BPTF: variants seen among roughly 807,000 people sequenced by gnomAD.
BPTF encodes the protein bromodomain PHD finger transcription factor, also known as nucleosome-remodeling factor subunit BPTF.
In BPTF, 18 loss-of-function variants were observed where a neutral mutation model predicts 292.5. The observed-to-expected ratio is 0.06, with a 90% CI of 0.04 to 0.09. The LOEUF (loss-of-function observed/expected upper bound fraction) is 0.09, where lower values mean the gene tolerates loss of function less well. BPTF is among the 10% of genes least tolerant of loss of function. The pLI, the probability that BPTF is intolerant of heterozygous loss-of-function variation, is 1.00. For synonymous variants in BPTF, 1,225 were observed against 1,251.9 expected (o/e 0.98, Z 0.45); for missense variants, 2,726 against 3,498.7 (o/e 0.78, Z 5.57).
intron 11 of BPTF, among the ~76,000 whole-genome samples, chr17:67,915,221 C>A (rs1253958438): frequency 1.3e-5 from 2 of 152,100 alleles, no homozygotes; most frequent in African/African-American, 4.8e-5. Context: ...TTCCCTTATG[C>A]CCATCCTCCC....
chr17:67,868,807 T>C (rs1274654570), intron 3 of BPTF, among the ~76,000 whole-genome samples: 1 of 152,222 alleles, frequency 6.6e-6, no homozygotes. Context: ...TCAATATTCC[T>C]GTGAATTCAT....
chr17:67,907,359 T>C (rs2062291925), intron 9 of BPTF, among the ~76,000 whole-genome samples: 1 of 138,800 alleles, frequency 7.2e-6, no homozygotes, highest in African/African-American at 2.7e-5. Flanking sequence ...AGTTTATCAC[T>C]TTTTTTTTTT....
intron 26 of BPTF, among the ~76,000 whole-genome samples, chr17:67,972,904 G>A (rs1344187266): frequency 6.6e-6 from 1 of 151,636 alleles, no homozygotes; most frequent in African/African-American, 2.4e-5. Flanking sequence ...CTACAGCATC[G>A]ATGTGCCAAG....
chr17:67,953,992 T>C (rs2066672507), intron 23 of BPTF, among the ~76,000 whole-genome samples: 1 of 27,446 alleles, frequency 3.6e-5, no homozygotes, highest in African/African-American at 1.1e-4. Flanking sequence ...TTTTTTTTTT[T>C]TTTTTTTTTT....
At chr17:67,955,717 C>T (rs2066866033) in intron 23 of BPTF, 1 of 151,826 alleles carries the variant, frequency 6.6e-6, no homozygotes, top group Non-Finnish European at 1.5e-5. Flanking sequence ...ATCCCAGCTA[C>T]TTGGGAGGCT....
At chr17:67,960,124 C>G in intron 24 of BPTF, 1 of 375,328 alleles carries the variant, frequency 2.7e-6, no homozygotes, top group Non-Finnish European at 4.8e-6. Flanking sequence ...TCTGTTGCTC[C>G]TTTGCTTTCT....
rs782047103 is a variant in BPTF, at chr17:67,982,241, A to G, written c.8727-11A>G. The G allele has an allele frequency of 9.9e-6, 16 of 1,608,876 alleles. No individual in the cohort carries two copies. The East Asian group carries it at 1.6e-4, about 16-fold the overall frequency. On this transcript the variant is annotated splice_polypyrimidine_tract_variant and intron_variant, in intron 27 of 27. Coordinates refer to ENST00000306378, the MANE Select transcript of BPTF (RefSeq NM_182641.4). Reference sequence around the variant, plus strand: ...GGTGCTTAATTGTTCCCTTTTTTCTATATTCTGTAGGTCTCATAACAACAA... The same window carrying G: ...GGTGCTTAATTGTTCCCTTTTTTCTGTATTCTGTAGGTCTCATAACAACAA...
chr17:67,967,127 T>A (rs1454473715), intron 26 of BPTF, among the ~76,000 whole-genome samples: 2 of 118,070 alleles, frequency 1.7e-5, no homozygotes, highest in East Asian at 2.8e-4. Context: ...AAAATAAAGT[T>A]TAATTGTGCA....
chr17:67,956,680 AC>A (rs1361916612), intron 23 of BPTF: 5 of 150,916 alleles, frequency 3.3e-5, no homozygotes, highest in East Asian at 3.9e-4. Flanking sequence ...AAAAAAAAAA[AC>A]GGTCAGGCAC....
In BPTF at chr17:67,866,512, C is replaced by T; in HGVS notation, c.1485C>T (p.Ser495=). 6.2e-7 allele frequency: 1 copy of T among 1,613,912 alleles called. No individual in the cohort carries two copies. The highest frequency in any genetic ancestry group is 8.5e-7 in the Non-Finnish European group (1 of 1,179,916). The change falls in exon 3 of 28, where the codon AGC becomes AGT. Residue 495 remains serine, a synonymous_variant. Coordinates refer to ENST00000306378, the MANE Select transcript of BPTF (RefSeq NM_182641.4). The part of the protein sequence containing the change: ...NENEKKIWYY[S]TKVQLAELID... ...ATGAAAAGAAAATTTGGTATTACAGCACAAAGGTCCAACTTGCAGAATTAA... is the reference window on the plus strand; with the variant it reads ...ATGAAAAGAAAATTTGGTATTACAGTACAAAGGTCCAACTTGCAGAATTAA...
chr17:67,904,669 ATTG>A, intron 8 of BPTF, 30 bp from the exon 9 acceptor site: 1 of 1,533,240 alleles, frequency 6.5e-7, no homozygotes, highest in Non-Finnish European at 8.9e-7. Context: ...TGTTATTCTT[ATTG>A]TTTAATCAAA....
chr17:67,847,430 C>T (rs918674037), intron 1 of BPTF, among the ~76,000 whole-genome samples: 7 of 151,862 alleles, frequency 4.6e-5, no homozygotes, highest in East Asian at 1.9e-4. Flanking sequence ...AGAAGAATAG[C>T]GTGAACCGGG....
rs1201559029 is a variant in BPTF at position 67,903,832 on chromosome 17, G to A, written c.2587G>A (p.Val863Ile). The A allele has an allele frequency of 1.3e-6, 2 of 1,587,604 alleles. No homozygotes were observed. Among genetic ancestry groups the A allele is most frequent in the Admixed American group, 1.9e-5 (1 of 54,010 alleles). Residue 863 changes from valine to isoleucine, a missense_variant, in exon 8 of 28, where the codon GTC (valine) becomes ATC (isoleucine). Physicochemically the swap from Val to Ile is conservative, Grantham distance 29. Coordinates refer to ENST00000306378, the MANE Select transcript of BPTF (RefSeq NM_182641.4). ...AATTGAAAGAGAAGAAAAGGAGAAA[G>A]TCAAAAAAAAAGAGAAGAAACAGGA... ...TSIEREEKEK[V>I]KKKEKKQEEE...
chr17:67,944,392 G>A lies in BPTF; in HGVS notation c.6700+20G>A, dbSNP rs1470148607. On this transcript the variant is annotated intron_variant, in intron 20 of 27. Transcript: ENST00000306378. ...CAGCAGGTAGAGCTGTGGGTTTATC[G>A]GAAATGTCGGATGTTACTACTACAC... The A allele has an allele frequency of 5.0e-6, 8 of 1,607,092 alleles. No homozygotes were observed. Among genetic ancestry groups the A allele is most frequent in the East Asian group, 2.2e-5 (1 of 44,896 alleles).
At chr17:67,926,642 A>G (rs565371764) in intron 15 of BPTF, among the ~76,000 whole-genome samples, 2 of 152,308 alleles carry the variant, frequency 1.3e-5, no homozygotes, top group African/African-American at 2.4e-5. Context: ...ACTTTAAAAA[A>G]TTTATTTAAG....
At chr17:67,927,799 A>G (rs1029247720) in intron 15 of BPTF, among the ~76,000 whole-genome samples, 2 of 152,210 alleles carry the variant, frequency 1.3e-5, no homozygotes, top group Non-Finnish European at 2.9e-5. Flanking sequence ...TATGTGGTAT[A>G]GAGACATGAA....
At chr17:67,909,259 C>T (rs1427016234) in intron 9 of BPTF, among the ~76,000 whole-genome samples, 4 of 146,194 alleles carry the variant, frequency 2.7e-5, no homozygotes, top group African/African-American at 5.1e-5. Context: ...CATGAGCCAC[C>T]GCACCAGGTC....
At chr17:67,908,099 T>G (rs996364297) in intron 9 of BPTF, among the ~76,000 whole-genome samples, 5 of 152,160 alleles carry the variant, frequency 3.3e-5, no homozygotes, top group South Asian at 2.1e-4. Context: ...ACCACTGATA[T>G]GGGCTTTCTG....
chr17:67,830,664 G>A (rs2056587261), intron 1 of BPTF, among the ~76,000 whole-genome samples: 2 of 152,144 alleles, frequency 1.3e-5, no homozygotes, highest in Non-Finnish European at 2.9e-5. Context: ...GGAGGGAGCA[G>A]CAGGCACTGA....
Sources: gnomAD v4.1 joint callset for allele counts (sites outside exome capture counted in the v4.1 genomes callset) on GRCh38, gnomAD v4.1.1 for gene constraint, MANE v1.5 for transcripts, NCBI Gene and HGNC (gene_info 2026-07-23, HGNC 2026-07-21) for gene names.